NAV3: variants seen among roughly 807,000 people sequenced by gnomAD.
NAV3 encodes pore membrane and/or filament interacting like protein 1.
NAV3 carries 87 observed loss-of-function variants against 244.7 expected under a neutral mutation model. That is an observed-to-expected ratio of 0.36 (90% confidence interval 0.30 to 0.42). The LOEUF is 0.42. Ranked by LOEUF, NAV3 falls within the 20% of genes least tolerant of loss-of-function variation. The probability of loss-of-function intolerance (pLI) is 1.00; values close to 1 mark genes in which losing one functional copy is unlikely to be tolerated. For missense variants in NAV3, 2,663 were observed against 2,893.3 expected, an observed-to-expected ratio of 0.92 and a Z score of 1.83; for synonymous variants, 1,126 against 1,042.2, an observed-to-expected ratio of 1.08 and a Z score of -1.55.
intron 22 of NAV3, among the ~76,000 whole-genome samples, chr12:78,156,847 A>G (rs1372110106): frequency 1.3e-5 from 2 of 152,146 alleles, no homozygotes; most frequent in Admixed American, 6.6e-5. Flanking sequence ...TTAAATTCAC[A>G]TATATGAATA....
In NAV3 at chr12:78,148,864, A is replaced by G; in HGVS notation, c.4730A>G (p.Glu1577Gly). Residue 1577 changes from glutamate (E) to glycine (G), a missense_variant, in exon 22 of 40, where the codon GAG becomes GGG. Around this residue, in one of 6 missense-constraint regions of NAV3, gnomAD observed 48 missense variants for 90.0 expected, o/e 0.53. Transcript: ENST00000397909. Reference sequence around the variant, plus strand: ...CAGCAAATCCATAAACTGCGGAGAGAGCTGGTTGCATCACAAGAAAAAGTT... The same window carrying G: ...CAGCAAATCCATAAACTGCGGAGAGGGCTGGTTGCATCACAAGAAAAAGTT... ...HSEQIHKLRR[E>G]LVASQEKVAT... The G allele has an allele frequency of 6.2e-7, 1 of 1,612,756 alleles. No individual in the cohort carries two copies. Among genetic ancestry groups the G allele is most frequent in the East Asian group, 2.2e-5 (1 of 44,746 alleles).
intron 3 of NAV3, among the ~76,000 whole-genome samples, chr12:77,949,985 T>C (rs895912147): frequency 6.6e-6 from 1 of 152,154 alleles, no homozygotes; most frequent in African/African-American, 2.4e-5. Context: ...TGTCTTTTCA[T>C]GGCTTGATGG....
rs766987938 is a variant in NAV3 at position 77,831,429 on chromosome 12, C to T, written c.-33C>T. The T allele has an allele frequency of 6.4e-7, 1 of 1,555,836 alleles. No homozygotes were observed. The highest frequency in any genetic ancestry group is 8.7e-7 in the Non-Finnish European group (1 of 1,154,774). ...ACCAGACTGAGGTTAGAAGCATTTT[C>T]TTTGGCAGCAAGAAGATAATTTTAT... On this transcript the variant is annotated 5_prime_UTR_variant, in exon 1 of 40. Coordinates refer to ENST00000397909, the MANE Select transcript of NAV3 (RefSeq NM_001024383.2).
chr12:77,693,938 T>C (rs1053304722), intron 2 of NAV3, among the ~76,000 whole-genome samples: 63 of 152,254 alleles, frequency 4.1e-4, no homozygotes, highest in African/African-American at 1.5e-3. Flanking sequence ...TGATAGGATA[T>C]AAAATAAATA....
intron 12 of NAV3, among the ~76,000 whole-genome samples, chr12:78,096,287 C>A (rs1954247006): frequency 6.6e-6 from 1 of 152,136 alleles, no homozygotes; most frequent in East Asian, 1.9e-4. Context: ...TGAGTAGGAG[C>A]TACTTCTCTC....
intron 2 of NAV3, among the ~76,000 whole-genome samples, chr12:77,779,377 G>C (rs1870550196): frequency 1.3e-5 from 2 of 152,224 alleles, no homozygotes; most frequent in African/African-American, 4.8e-5. Flanking sequence ...CATATATTCA[G>C]GTCATCTAGG....
At chr12:77,655,041 A>G (rs1332818589) in intron 2 of NAV3, among the ~76,000 whole-genome samples, 3 of 152,142 alleles carry the variant, frequency 2.0e-5, no homozygotes, top group African/African-American at 7.2e-5. Context: ...AAACTCTAAA[A>G]AGCAGAGCAC....
At chr12:77,814,838 A>G (rs1872465081) in intron 2 of NAV3, among the ~76,000 whole-genome samples, 1 of 152,234 alleles carries the variant, frequency 6.6e-6, no homozygotes, top group Admixed American at 6.5e-5. Flanking sequence ...TTAATCAGTG[A>G]GGTTGGGGAC....
chr12:78,105,881 A>G (rs1386903582), intron 12 of NAV3, among the ~76,000 whole-genome samples: 5 of 151,604 alleles, frequency 3.3e-5, no homozygotes, highest in African/African-American at 9.7e-5. Flanking sequence ...TATGATATAA[A>G]TCCTAATTTT....
chr12:77,836,647 T>G (rs2136125784), intron 1 of NAV3, among the ~76,000 whole-genome samples: 1 of 152,316 alleles, frequency 6.6e-6, no homozygotes, highest in Non-Finnish European at 1.5e-5. Context: ...AGGAAGACTT[T>G]TTTCTATGTT....
chr12:77,620,436 C>T (rs1818594272), intron 2 of NAV3, among the ~76,000 whole-genome samples: 2 of 151,890 alleles, frequency 1.3e-5, no homozygotes, highest in African/African-American at 4.8e-5. Context: ...GTCAAGTCTT[C>T]AAATTAACAC....
intron 2 of NAV3, among the ~76,000 whole-genome samples, chr12:77,626,730 A>G (rs1418091629): frequency 2.0e-5 from 3 of 152,186 alleles, no homozygotes; most frequent in African/African-American, 7.2e-5. Context: ...TGAAAACTGT[A>G]TAAATAAAGT....
chr12:77,943,834 T>C (rs1183884492), intron 3 of NAV3, among the ~76,000 whole-genome samples: 4 of 152,230 alleles, frequency 2.6e-5, no homozygotes, highest in African/African-American at 9.6e-5. Context: ...TCTGCTGCTA[T>C]TTTTAATCAC....
intron 9 of NAV3, among the ~76,000 whole-genome samples, chr12:78,042,936 T>C (rs535827058): frequency 6.6e-6 from 1 of 151,220 alleles, no homozygotes; most frequent in Non-Finnish European, 1.5e-5. Context: ...TGATCATAGT[T>C]TTTTTTTTTA....
intron 5 of NAV3, among the ~76,000 whole-genome samples, chr12:77,979,219 C>T (rs1414747391): frequency 5.2e-5 from 2 of 38,496 alleles, no homozygotes; most frequent in Non-Finnish European, 9.5e-5. Flanking sequence ...ACAAAAAATA[C>T]AATACAAAAA....
At chr12:77,603,371 C>G (rs1401139339) in intron 2 of NAV3, among the ~76,000 whole-genome samples, 1 of 151,586 alleles carries the variant, frequency 6.6e-6, no homozygotes, top group East Asian at 1.9e-4. Flanking sequence ...TAAGTAGGAG[C>G]CAGAGGATCA....
intron 2 of NAV3, among the ~76,000 whole-genome samples, chr12:77,748,071 A>G (rs1868649453): frequency 6.6e-6 from 1 of 152,254 alleles, no homozygotes; most frequent in South Asian, 2.1e-4. Flanking sequence ...TTAAGTCTTA[A>G]TAATTATGTT....
chr12:77,616,252 C>T (rs1315115815), intron 2 of NAV3, among the ~76,000 whole-genome samples: 2 of 151,700 alleles, frequency 1.3e-5, no homozygotes, highest in African/African-American at 2.4e-5. Flanking sequence ...ACTAAAAATA[C>T]AAAAATTAGC....
intron 8 of NAV3, among the ~76,000 whole-genome samples, chr12:78,019,788 A>AAC (rs1876844336): frequency 6.6e-6 from 1 of 152,266 alleles, no homozygotes; most frequent in Admixed American, 6.5e-5. Context: ...CGTGGGACCC[A>AAC]ACCATGCAAG....
Sources: gnomAD v4.1 joint callset for allele counts (sites outside exome capture counted in the v4.1 genomes callset) on GRCh38, gnomAD v4.1.1 for gene constraint, gnomAD v4.1.1 regional missense constraint, MANE v1.5 for transcripts, NCBI Gene and HGNC (gene_info 2026-07-23, HGNC 2026-07-21) for gene names.